Variants in ZNF681 observed in about 807,000 individuals in gnomAD.
ZNF681 encodes hypothetical protein FLJ31526.
Under a neutral mutation model 56.0 loss-of-function variants are expected in ZNF681, and 37 were observed. The ratio of observed to expected loss-of-function variants is 0.66; its 90% CI spans 0.51 to 0.87. The LOEUF (loss-of-function observed/expected upper bound fraction) is 0.87, where lower values mean the gene tolerates loss of function less well. ZNF681 is among the 40% of genes least tolerant of loss of function. ZNF681 has a pLI of 0.00. For missense variants in ZNF681, 741 were observed against 744.9 expected, an observed-to-expected ratio of 0.99 and a Z score of 0.06; for synonymous variants, 225 against 248.6, an observed-to-expected ratio of 0.91 and a Z score of 0.89.
chr19:23,744,008 A>G lies in ZNF681; in HGVS notation c.1542T>C (p.Ala514=). ...CAGTAAGTTTTGAGGATCGATAGAA[A>G]GCTTTGCCACATTCTTCACATTTGT... ...KSYKCEECGK[A]FYRSSKLTEH... Residue 514 remains alanine, a synonymous_variant, in exon 4 of 4, where the codon GCT becomes GCC. Coordinates refer to ENST00000402377, the MANE Select transcript of ZNF681 (RefSeq NM_138286.3). 1 of 1,612,230 alleles carries G rather than the reference A, an allele frequency of 6.2e-7. No individual in the cohort carries two copies. Among genetic ancestry groups the G allele is most frequent in the Non-Finnish European group, 8.5e-7 (1 of 1,179,728 alleles).
intron 1 of ZNF681, 99 bp downstream of exon 1, chr19:23,758,648 G>C (rs1969163419): frequency 6.3e-7 from 1 of 1,584,224 alleles, no homozygotes; most frequent in Non-Finnish European, 8.7e-7. Flanking sequence ...CCTGGGCGAG[G>C]AGAACTCAGG....
Position 23,743,692 on chromosome 19 carries a change from G to A in ZNF681, c.1858C>T (p.Pro620Ser). The change falls in exon 4 of 4, where the codon CCT becomes TCT. Residue 620 changes from proline to serine, a missense_variant. By Grantham distance (74) the Pro-to-Ser change is moderately conservative (BLOSUM62 -1). Coordinates refer to ENST00000402377, the MANE Select transcript of ZNF681 (RefSeq NM_138286.3). ...TCAAAATCACTGTTACATCTTTTAG[G>A]TTTGTAGAGTTTCTCACCAGTATGA... The part of the protein sequence containing the change: ...KIHTGEKLYK[P>S]KRCNSDFENT... 1 of 1,606,602 alleles carries A rather than the reference G, an allele frequency of 6.2e-7. No individual in the cohort carries two copies. The highest frequency in any genetic ancestry group is 1.1e-5 in the South Asian group (1 of 89,932).
rs544337724 is a variant in ZNF681 at position 23,750,443 on chromosome 19, T to C, written c.226+4380A>G. On this transcript the variant is annotated intron_variant, in intron 3 of 3. Transcript: ENST00000402377. The stretch of plus-strand genomic sequence containing the variant: ...ATGTACCTCTTAAGTAAACCCCACA[T>C]TGACTTAAAGTGTACAAACAGAATT... Among the ~76,000 whole-genome samples the C allele has an allele frequency of 1.8e-4, 28 of 152,252 alleles. No individual in the cohort carries two copies. The South Asian group carries it at 2.5e-3, about 14-fold the overall frequency.
chr19:23,743,734 T>C lies in ZNF681; in HGVS notation c.1816A>G (p.Thr606Ala). Residue 606 changes from threonine to alanine, a missense_variant, in exon 4 of 4, where the codon ACT becomes GCT. Physicochemically the swap from Thr to Ala is moderately conservative, Grantham distance 58. Transcript: ENST00000402377. ...CCAGTATGAATTTTCTTATGTCCAG[T>C]AAGGTTTGAGGACTGGTTAAAAGCT... ...GKAFNQSSNL[T>A]GHKKIHTGEK... 6.2e-7 allele frequency: 1 copy of C among 1,613,290 alleles called. No individual in the cohort carries two copies. The highest frequency in any genetic ancestry group is 8.5e-7 in the Non-Finnish European group (1 of 1,179,648).
At chr19:23,755,931 A>T (rs1289362219) in intron 1 of ZNF681, among the ~76,000 whole-genome samples, 1 of 152,168 alleles carries the variant, frequency 6.6e-6, no homozygotes, top group Admixed American at 6.6e-5. Flanking sequence ...TGTGGAAGAC[A>T]GTGTGGTGAT....
At chr19:23,749,900 A>G (rs1427473413) in intron 3 of ZNF681, among the ~76,000 whole-genome samples, 4 of 152,126 alleles carry the variant, frequency 2.6e-5, no homozygotes, top group African/African-American at 9.7e-5. Flanking sequence ...GAGCAAATAC[A>G]TATTCATCAT....
chr19:23,750,817 C>T (rs895527779), intron 3 of ZNF681, among the ~76,000 whole-genome samples: 19 of 102,128 alleles, frequency 1.9e-4, no homozygotes, highest in Non-Finnish European at 3.3e-4. Context: ...AAAGTGAGAC[C>T]GCATCTCTAA....
intron 1 of ZNF681, among the ~76,000 whole-genome samples, chr19:23,757,954 T>C (rs953591299): frequency 2.6e-5 from 4 of 152,194 alleles, no homozygotes; most frequent in African/African-American, 9.7e-5. Flanking sequence ...TTTGAACACA[T>C]TTATAAAGGT....
Position 23,756,959 on chromosome 19 carries a change from C to T in ZNF681, c.4-1408G>A, listed in dbSNP as rs193216588. ...GATCTCGGGTCACTGCAACCTCTGT[C>T]TCGTGGGTTCACGCAATTCTCCGAC... On this transcript the variant is annotated intron_variant, in intron 1 of 3. Transcript: ENST00000402377. 2.7e-3 allele frequency among the ~76,000 whole-genome samples: 410 copies of T among 152,078 alleles called. 2 individuals are homozygous for T. Among genetic ancestry groups the T allele is most frequent in the African/African-American group, 9.3e-3 (385 of 41,464 alleles).
chr19:23,752,016 T>C (rs1969039819), intron 3 of ZNF681, among the ~76,000 whole-genome samples: 1 of 152,120 alleles, frequency 6.6e-6, no homozygotes, highest in South Asian at 2.1e-4. Flanking sequence ...CAGGCCAGGA[T>C]TTCAAAACCA....
chr19:23,742,492 A>C lies in ZNF681; in HGVS notation c.*1120T>G, dbSNP rs79137907. 6.9e-6 allele frequency: 1 copy of C among 145,354 alleles called. No homozygotes were observed. Among genetic ancestry groups the C allele is most frequent in the South Asian group, 2.1e-4 (1 of 4,654 alleles). 9.0% of individuals were successfully genotyped at this position (145,354 alleles called of 1,614,324 possible). A position where few individuals can be genotyped will look rare whatever the true frequency, so the allele number is the denominator to read the frequency against. On this transcript the variant is annotated 3_prime_UTR_variant, in exon 4 of 4. Coordinates refer to ENST00000402377, the MANE Select transcript of ZNF681 (RefSeq NM_138286.3). ...GGCAACAAGAGCAAAACTCTGTCTC[A>C]AAAAAAAAAAAAGTACAATTAGTAA...
chr19:23,758,833 G>T lies in ZNF681; in HGVS notation c.-84C>A. The T allele has an allele frequency of 6.4e-7, 1 of 1,574,332 alleles. No individual in the cohort carries two copies. Among genetic ancestry groups the T allele is most frequent in the Non-Finnish European group, 8.7e-7 (1 of 1,146,516 alleles). ...GAGGGCCATAGAGGCTGGGCCTCTA[G>T]AAGAAGAGGACACAGAGCAGTGAAG... On this transcript the variant is annotated 5_prime_UTR_variant, in exon 1 of 4. Transcript: ENST00000402377.
intron 3 of ZNF681, among the ~76,000 whole-genome samples, chr19:23,753,860 CA>C (rs34755450): frequency 3.2e-5 from 4 of 123,826 alleles, no homozygotes; most frequent in Non-Finnish European, 3.3e-5. Flanking sequence ...GACTTTGTCT[CA>C]AAAAAAAAAA....
At chr19:23,755,979 A>G (rs1463016094) in intron 1 of ZNF681, among the ~76,000 whole-genome samples, 2 of 152,160 alleles carry the variant, frequency 1.3e-5, no homozygotes, top group Non-Finnish European at 2.9e-5. Flanking sequence ...CATTTGACCC[A>G]GTGATACCAT....
At chr19:23,751,167 G>A (rs1467030264) in intron 3 of ZNF681, among the ~76,000 whole-genome samples, 2 of 146,656 alleles carry the variant, frequency 1.4e-5, no homozygotes, top group African/African-American at 2.5e-5. Flanking sequence ...TTTGCAAAAC[G>A]ATGTACCATT....
chr19:23,745,091 T>C lies in ZNF681; in HGVS notation c.459A>G (p.Lys153=), dbSNP rs779284013. The change falls in exon 4 of 4, where the codon AAA becomes AAG. Residue 153 remains lysine, a synonymous_variant. Coordinates refer to ENST00000402377, the MANE Select transcript of ZNF681 (RefSeq NM_138286.3). ...QCDKYMKIFH[K]FSNLNGHKVR... is the part of the protein sequence containing the mutation. Reference sequence around the variant, plus strand: ...CCTTATGTCCATTTAAATTTGAAAATTTATGAAAGATTTTCATATATTTAT... The same window carrying C: ...CCTTATGTCCATTTAAATTTGAAAACTTATGAAAGATTTTCATATATTTAT... 4 of 1,603,328 alleles carry C rather than the reference T, an allele frequency of 2.5e-6. No individual in the cohort carries two copies. The highest frequency in any genetic ancestry group is 1.3e-5 in the African/African-American group (1 of 74,418).
In ZNF681 at chr19:23,744,742, T is replaced by C. The variant is rs750151055; in HGVS notation, c.808A>G (p.Thr270Ala). The change falls in exon 4 of 4, where the codon ACA becomes GCA. Residue 270 changes from threonine to alanine, a missense_variant. Coordinates refer to ENST00000402377, the MANE Select transcript of ZNF681 (RefSeq NM_138286.3). ...CCAGTATGAATTATTGTATGTGTTG[T>C]AATGTGTGACGACAGGTTAAAGGCT... Reference protein sequence around the residue: ...SKAFNLSSHITTHTIIHTGEN... With the variant: ...SKAFNLSSHIATHTIIHTGEN... The C allele has an allele frequency of 1.1e-5, 17 of 1,613,666 alleles. No homozygotes were observed. The South Asian group carries it at 1.6e-4, about 16-fold the overall frequency.
intron 3 of ZNF681, among the ~76,000 whole-genome samples, chr19:23,749,560 A>G (rs1415584399): frequency 6.6e-6 from 1 of 151,632 alleles, no homozygotes; most frequent in Admixed American, 6.6e-5. Flanking sequence ...TCCTCCCTCA[A>G]TCTTTCAAAG....
At chr19:23,758,469 C>T (rs1209266086) in intron 1 of ZNF681, among the ~76,000 whole-genome samples, 1 of 152,196 alleles carries the variant, frequency 6.6e-6, no homozygotes, top group Admixed American at 6.5e-5. Flanking sequence ...CCCTGACGAC[C>T]CTCCCGTGGT....
Sources: allele counts gnomAD v4.1 joint callset (sites outside exome capture counted in the v4.1 genomes callset), GRCh38; gene constraint gnomAD v4.1.1; transcripts MANE v1.5; gene names NCBI Gene and HGNC (gene_info 2026-07-23, HGNC 2026-07-21).